The following NRXN1 variants were observed in gnomAD, a reference collection of about 807,000 sequenced individuals.
The protein encoded by NRXN1 is neurexin-1.
A neutral mutation model predicts 150.9 loss-of-function variants in NRXN1; 39 were observed. The observed-to-expected ratio is 0.26, with a 90% CI of 0.20 to 0.34. The LOEUF (loss-of-function observed/expected upper bound fraction) is 0.34, where lower values mean the gene tolerates loss of function less well. NRXN1 is among the 10% of genes least tolerant of loss of function. NRXN1 has a pLI of 1.00. For synonymous variants in NRXN1, 924 were observed against 757.0 expected (o/e 1.22, Z -3.62); for missense variants, 1,815 against 1,949.9 (o/e 0.93, Z 1.30).
chr2:50,974,208 G>A (rs1695476404), intron 2 of NRXN1, among the ~76,000 whole-genome samples: 1 of 152,084 alleles, frequency 6.6e-6, no homozygotes, highest in Admixed American at 6.6e-5. Context: ...AAAAGTTATA[G>A]TGATTATTGA....
At chr2:50,652,445 G>A (rs1490276739) in intron 5 of NRXN1, among the ~76,000 whole-genome samples, 1 of 151,916 alleles carries the variant, frequency 6.6e-6, no homozygotes, top group Non-Finnish European at 1.5e-5. Context: ...GTCTGTATAG[G>A]TTTGCCTTTT....
rs1261915091 is a variant in NRXN1, at chr2:50,623,245, T to C, written c.1134+69A>G. On this transcript the variant is annotated intron_variant, in intron 6 of 22. Transcript: ENST00000401669. ...AGCCCTGTATCATGTTGTTAGAGTATTTAAGTACCACACACACAGCTATAG... is the reference window on the plus strand; with the variant it reads ...AGCCCTGTATCATGTTGTTAGAGTACTTAAGTACCACACACACAGCTATAG... 3.9e-6 allele frequency: 5 copies of C among 1,282,220 alleles called. No individual in the cohort carries two copies. In the African/African-American group the frequency reaches 4.4e-5, roughly 11 times the overall value. 79.4% of individuals were successfully genotyped at this position (1,282,220 alleles called of 1,614,324 possible).
intron 9 of NRXN1, among the ~76,000 whole-genome samples, chr2:50,543,852 T>G (rs1326519238): frequency 1.3e-5 from 2 of 152,120 alleles, no homozygotes. Context: ...ACTTCACAAG[T>G]TTAAATTACT....
intron 3 of NRXN1, chr2:50,923,453 A>C: frequency 3.4e-6 from 1 of 292,732 alleles, no homozygotes; most frequent in Non-Finnish European, 7.3e-6. Flanking sequence ...TCATCAAGGA[A>C]TTCTTTAAAG....
intron 21 of NRXN1, among the ~76,000 whole-genome samples, chr2:50,003,305 A>G (rs1312909820): frequency 1.3e-5 from 2 of 152,158 alleles, no homozygotes. Flanking sequence ...GCTGTGGGAC[A>G]TAATTACAAA....
intron 18 of NRXN1, among the ~76,000 whole-genome samples, chr2:50,128,848 T>C (rs1163868522): frequency 1.3e-5 from 2 of 151,688 alleles, no homozygotes; most frequent in Non-Finnish European, 2.9e-5. Flanking sequence ...CCGGGCATGG[T>C]GGCGGGCGCC....
intron 5 of NRXN1, among the ~76,000 whole-genome samples, chr2:50,693,069 C>T (rs1692297015): frequency 6.6e-6 from 1 of 152,106 alleles, no homozygotes; most frequent in Non-Finnish European, 1.5e-5. Context: ...TTACTGTAAG[C>T]CCTACCCCAG....
At position 50,444,791 on chromosome 2, in the gene NRXN1, C is replaced by A. The variant is rs370314489; in HGVS notation, c.3364+20651G>T. 6.6e-5 allele frequency among the ~76,000 whole-genome samples: 10 copies of A among 152,116 alleles called. No homozygotes were observed. The East Asian group carries it at 7.7e-4, about 12-fold the overall frequency. ...GTGGTATCCTGAGCTGTACTGGAGCCTGAGGCAAAAGGGAAATTCAATAAT... is the reference window on the plus strand; with the variant it reads ...GTGGTATCCTGAGCTGTACTGGAGCATGAGGCAAAAGGGAAATTCAATAAT... On this transcript the variant is annotated intron_variant, in intron 17 of 22. Transcript: ENST00000401669.
At chr2:50,071,960 T>TG (rs1388531600) in intron 19 of NRXN1, among the ~76,000 whole-genome samples, 6 of 152,356 alleles carry the variant, frequency 3.9e-5, no homozygotes, top group Admixed American at 1.3e-4. Flanking sequence ...ATTACAGTCC[T>TG]GGTAATTAGT....
At chr2:50,924,688 GATACAACA>G (rs1686597481) in intron 3 of NRXN1, among the ~76,000 whole-genome samples, 1 of 151,574 alleles carries the variant, frequency 6.6e-6, no homozygotes, top group Admixed American at 6.6e-5. Context: ...GCCATATATG[GATACAACA>G]CTTAGAAAAT....
chr2:50,915,328 A>C (rs1280546034), intron 5 of NRXN1, among the ~76,000 whole-genome samples: 1 of 151,610 alleles, frequency 6.6e-6, no homozygotes, highest in Non-Finnish European at 1.5e-5. Flanking sequence ...ACATTAATTT[A>C]CAAAAAAAGT....
intron 15 of NRXN1, among the ~76,000 whole-genome samples, chr2:50,483,899 T>G (rs1414007631): frequency 6.6e-6 from 1 of 152,224 alleles, no homozygotes; most frequent in Non-Finnish European, 1.5e-5. Flanking sequence ...ATAGAACAAT[T>G]AGACTTTCTT....
Position 49,966,831 on chromosome 2 carries a change from A to T in NRXN1, c.4129-23040T>A, listed in dbSNP as rs150322523. On this transcript the variant is annotated intron_variant, in intron 21 of 22. Transcript: ENST00000401669. ...GAATTCTGGGCTGGGGATCATATAG[A>T]TTTCCCAACGAAACCAAAAGAGAAA... Among the ~76,000 whole-genome samples the T allele has an allele frequency of 2.0e-3, 305 of 152,244 alleles. 2 individuals are homozygous for T. Among genetic ancestry groups the T allele is most frequent in the African/African-American group, 7.1e-3 (297 of 41,562 alleles).
intron 21 of NRXN1, among the ~76,000 whole-genome samples, chr2:50,035,409 A>G (rs1392812311): frequency 1.3e-5 from 2 of 152,110 alleles, no homozygotes; most frequent in Non-Finnish European, 2.9e-5. Context: ...ATTGCAAAAC[A>G]AACAAAAAAA....
chr2:49,928,587 G>C, intron 22 of NRXN1, among the ~76,000 whole-genome samples: 1 of 151,962 alleles, frequency 6.6e-6, no homozygotes, highest in South Asian at 2.1e-4. Flanking sequence ...TGGGGTGTTT[G>C]TGAATTGAGA....
chr2:50,707,707 G>A (rs577782956), intron 5 of NRXN1, among the ~76,000 whole-genome samples: 4 of 152,150 alleles, frequency 2.6e-5, no homozygotes, highest in South Asian at 4.1e-4. Context: ...CAATGTGATC[G>A]ATCCAGAAGA....
At chr2:50,712,833 G>C (rs1421358652) in intron 5 of NRXN1, among the ~76,000 whole-genome samples, 1 of 152,134 alleles carries the variant, frequency 6.6e-6, no homozygotes, top group Non-Finnish European at 1.5e-5. Context: ...CATTAACAGA[G>C]GATCTGGCTG....
chr2:50,148,268 T>C (rs539611355), intron 18 of NRXN1, among the ~76,000 whole-genome samples: 49 of 151,628 alleles, frequency 3.2e-4, no homozygotes, highest in Admixed American at 9.9e-4. Context: ...CATTTATTGA[T>C]TACATGACTA....
intron 8 of NRXN1, among the ~76,000 whole-genome samples, chr2:50,601,883 G>A (rs1357307133): frequency 2.6e-5 from 4 of 152,082 alleles, no homozygotes; most frequent in African/African-American, 4.8e-5. Flanking sequence ...GACACAAACC[G>A]GTGTTATCAC....
Sources: gnomAD v4.1 joint callset for allele counts (sites outside exome capture counted in the v4.1 genomes callset) on GRCh38, gnomAD v4.1.1 for gene constraint, MANE v1.5 for transcripts, NCBI Gene and HGNC (gene_info 2026-07-23, HGNC 2026-07-21) for gene names.